HSPA12A: variants seen among roughly 807,000 people sequenced by gnomAD.
HSPA12A encodes the protein heat shock protein family A (Hsp70) member 12A.
In HSPA12A, 28 loss-of-function variants were observed where a neutral mutation model predicts 69.2. That is an observed-to-expected ratio of 0.40 (90% CI 0.30 to 0.55). The LOEUF is 0.55. Among genes scored for constraint, HSPA12A ranks in the 20% least tolerant of loss-of-function variants. The pLI is 0.38. For missense variants in HSPA12A, 686 were observed against 900.7 expected, an observed-to-expected ratio of 0.76 and a Z score of 3.05; for synonymous variants, 345 against 370.5, an observed-to-expected ratio of 0.93 and a Z score of 0.79.
intron 2 of HSPA12A, among the ~76,000 whole-genome samples, chr10:116,826,413 T>TG (rs1404100576): frequency 6.6e-6 from 1 of 152,100 alleles, no homozygotes; most frequent in East Asian, 1.9e-4. Context: ...AATGAATGAA[T>TG]AATGAATGAA....
At chr10:116,681,764 A>G in intron 8 of HSPA12A, 27 bp downstream of exon 8, 1 of 1,595,098 alleles carries the variant, frequency 6.3e-7, no homozygotes, top group African/African-American at 1.3e-5. Context: ...AAATCCAGCA[A>G]GAGCAAAGGA....
chr10:116,754,649 A>C (rs1843789677), intron 2 of HSPA12A, among the ~76,000 whole-genome samples: 1 of 152,234 alleles, frequency 6.6e-6, no homozygotes. Flanking sequence ...GTCACAAAGA[A>C]ATATGCTCAA....
At chr10:116,740,931 T>A (rs868945991) in intron 1 of HSPA12A, among the ~76,000 whole-genome samples, 2,030 of 135,024 alleles carry the variant, frequency 0.015, 66 homozygotes, top group African/African-American at 0.054. Flanking sequence ...TCCTAAAAAT[T>A]TTTTTATTTT....
intron 2 of HSPA12A, among the ~76,000 whole-genome samples, chr10:116,823,037 C>T (rs1441380717): frequency 6.6e-6 from 1 of 152,186 alleles, no homozygotes; most frequent in Non-Finnish European, 1.5e-5. Flanking sequence ...CTCACCTCTT[C>T]CACAAAAAGC....
At chr10:116,769,983 G>A (rs1417330100) in intron 2 of HSPA12A, among the ~76,000 whole-genome samples, 5 of 152,204 alleles carry the variant, frequency 3.3e-5, no homozygotes, top group South Asian at 2.1e-4. Flanking sequence ...TGCAAGAAGC[G>A]ATGACGCCAC....
intron 1 of HSPA12A, among the ~76,000 whole-genome samples, chr10:116,740,649 T>C (rs1851461908): frequency 2.4e-4 from 3 of 12,718 alleles, no homozygotes; most frequent in Admixed American, 1.0e-3. Context: ...TGTGTGTGTG[T>C]GTGTGTGTGT....
chr10:116,804,467 C>A (rs1217364652), intron 2 of HSPA12A, among the ~76,000 whole-genome samples: 1 of 152,006 alleles, frequency 6.6e-6, no homozygotes, highest in Non-Finnish European at 1.5e-5. Flanking sequence ...AGCGGGTATA[C>A]CCTCCCCGAG....
chr10:116,693,401 T>C (rs186947832), intron 5 of HSPA12A, among the ~76,000 whole-genome samples: 104 of 152,312 alleles, frequency 6.8e-4, no homozygotes, highest in South Asian at 4.8e-3. Context: ...AGTATTCCCA[T>C]CTGCGCAATG....
intron 2 of HSPA12A, chr10:116,832,638 C>T (rs1845639452): frequency 6.6e-6 from 1 of 152,178 alleles, no homozygotes; most frequent in Non-Finnish European, 1.5e-5. Flanking sequence ...TGTGCACCTT[C>T]CATGCCAGGT....
At chr10:116,697,218 C>T (rs1554880972) in intron 5 of HSPA12A, among the ~76,000 whole-genome samples, 1 of 152,218 alleles carries the variant, frequency 6.6e-6, no homozygotes. Context: ...ATACCAAATG[C>T]TTCTGAAGTT....
rs374935080 is a variant in HSPA12A, at chr10:116,674,987, C to T, written c.1822G>A (p.Asp608Asn). 109 of 1,613,998 alleles carry T rather than the reference C, an allele frequency of 6.8e-5. No individual in the cohort carries two copies. The highest frequency in any genetic ancestry group is 1.0e-4 in the Admixed American group (6 of 60,010). Residue 608 changes from aspartate to asparagine, a missense_variant, in exon 12 of 12, where the codon GAC becomes AAC. By Grantham distance (23) the Asp-to-Asn change is conservative. Transcript: ENST00000369209. ...GGATCAGTGATGAAGCTGACGTTGT[C>T]GTGCTCAGAGCTGTAGATGTTGATG... ...IVINIYSSEHDNVSFITDPGV... is the reference protein window; with the variant it reads ...IVINIYSSEHNNVSFITDPGV...
chr10:116,794,750 T>C (rs899927598), intron 2 of HSPA12A, among the ~76,000 whole-genome samples: 8 of 151,592 alleles, frequency 5.3e-5, no homozygotes, highest in African/African-American at 1.5e-4. Flanking sequence ...GAGATGGAGA[T>C]TGCAGTGAGC....
At chr10:116,794,351 G>A (rs1027445733) in intron 2 of HSPA12A, among the ~76,000 whole-genome samples, 2 of 152,220 alleles carry the variant, frequency 1.3e-5, no homozygotes, top group East Asian at 1.9e-4. Context: ...GACATAGAAA[G>A]GTTGGAAGTA....
chr10:116,738,128 GC>G (rs1851370799), intron 1 of HSPA12A, among the ~76,000 whole-genome samples: 1 of 152,072 alleles, frequency 6.6e-6, no homozygotes, highest in African/African-American at 2.4e-5. Context: ...AGAGCATTTC[GC>G]CCCCACAAGA....
At chr10:116,735,746 C>T (rs538470403) in intron 1 of HSPA12A, among the ~76,000 whole-genome samples, 1 of 152,042 alleles carries the variant, frequency 6.6e-6, no homozygotes, top group South Asian at 2.1e-4. Flanking sequence ...CCTGTAATCT[C>T]AGCACTCTGG....
chr10:116,735,926 A>G (rs1490596467), intron 1 of HSPA12A, among the ~76,000 whole-genome samples: 1 of 151,942 alleles, frequency 6.6e-6, no homozygotes, highest in South Asian at 2.1e-4. Flanking sequence ...CAGCCCAGGA[A>G]GCAGAGCTTA....
chr10:116,708,850 C>T (rs1032459034), intron 1 of HSPA12A, among the ~76,000 whole-genome samples: 3 of 152,218 alleles, frequency 2.0e-5, no homozygotes, highest in Admixed American at 1.3e-4. Context: ...TATGGCTTCA[C>T]ACTGACTAGG....
intron 2 of HSPA12A, among the ~76,000 whole-genome samples, chr10:116,776,451 G>T (rs940414934): frequency 8.5e-5 from 13 of 152,164 alleles, no homozygotes; most frequent in Non-Finnish European, 1.3e-4. Flanking sequence ...AAAACTCTAC[G>T]CTCAAAATCA....
intron 2 of HSPA12A, chr10:116,829,969 T>C (rs1164910051): frequency 6.6e-6 from 1 of 152,118 alleles, no homozygotes; most frequent in Non-Finnish European, 1.5e-5. Flanking sequence ...CGGGAGGGCG[T>C]TATGGGCACT....
Sources: allele counts gnomAD v4.1 joint callset (sites outside exome capture counted in the v4.1 genomes callset), GRCh38; gene constraint gnomAD v4.1.1; transcripts MANE v1.5; gene names NCBI Gene and HGNC (gene_info 2026-07-23, HGNC 2026-07-21).